Variants in TM4SF4 observed in about 807,000 individuals in gnomAD.
The protein encoded by TM4SF4 is transmembrane 4 L six family member 4, also known as transmembrane 4 L6 family member 4.
In TM4SF4, 24 loss-of-function variants were observed where a neutral mutation model predicts 24.1. That is an observed-to-expected ratio of 1.00 (90% CI 0.72 to 1.40). TM4SF4 has a LOEUF of 1.40. Ranked by LOEUF, TM4SF4 falls within the 40% of genes most tolerant of loss-of-function variation. The pLI, the probability that TM4SF4 is intolerant of heterozygous loss-of-function variation, is 0.00. For missense variants in TM4SF4, 254 were observed against 254.2 expected, an observed-to-expected ratio of 1.00 and a Z score of 0.01; for synonymous variants, 113 against 97.0, an observed-to-expected ratio of 1.17 and a Z score of -0.97.
chr3:149,497,110 A>T (rs4234371), intron 3 of TM4SF4, among the ~76,000 whole-genome samples: 150,987 of 152,356 alleles, frequency 0.99, 74,820 homozygotes, highest in East Asian at 1. Flanking sequence ...AAACCCGGGT[A>T]CATCTGAATC....
At chr3:149,478,134 G>A (rs919581663) in intron 2 of TM4SF4, among the ~76,000 whole-genome samples, 8 of 152,172 alleles carry the variant, frequency 5.3e-5, no homozygotes, top group East Asian at 1.9e-4. Context: ...GGCAAAAAAA[G>A]TTTGTCTTTT....
intron 3 of TM4SF4, among the ~76,000 whole-genome samples, chr3:149,493,262 T>G (rs987114690): frequency 6.6e-6 from 1 of 152,230 alleles, no homozygotes; most frequent in Non-Finnish European, 1.5e-5. Context: ...AAAAAAAACC[T>G]CTTTATTGTG....
intron 4 of TM4SF4, among the ~76,000 whole-genome samples, chr3:149,500,126 T>A (rs559224589): frequency 6.6e-6 from 1 of 152,186 alleles, no homozygotes; most frequent in Middle Eastern, 3.4e-3. Flanking sequence ...CTTAAAAGAA[T>A]GTTTCCCCCA....
intron 3 of TM4SF4, among the ~76,000 whole-genome samples, chr3:149,492,564 T>C (rs970526196): frequency 6.6e-6 from 1 of 151,804 alleles, no homozygotes; most frequent in African/African-American, 2.4e-5. Flanking sequence ...GGGACAGCCA[T>C]AGGAGGGGAA....
chr3:149,493,784 C>T (rs888899830), intron 3 of TM4SF4, among the ~76,000 whole-genome samples: 1 of 152,090 alleles, frequency 6.6e-6, no homozygotes, highest in Admixed American at 6.5e-5. Flanking sequence ...ACAACAGGGG[C>T]GGAAACACAG....
intron 2 of TM4SF4, among the ~76,000 whole-genome samples, chr3:149,482,246 C>G (rs1183374659): frequency 2.0e-5 from 3 of 152,206 alleles, no homozygotes; most frequent in African/African-American, 7.2e-5. Flanking sequence ...GAGGGAGGAA[C>G]CAGAACTCAG....
At chr3:149,496,287 G>T (rs1429732414) in intron 3 of TM4SF4, among the ~76,000 whole-genome samples, 4 of 151,916 alleles carry the variant, frequency 2.6e-5, no homozygotes, top group Non-Finnish European at 5.9e-5. Flanking sequence ...TCAGCTTACT[G>T]CACACTTTGC....
chr3:149,483,015 C>T (rs1213709366), intron 2 of TM4SF4, among the ~76,000 whole-genome samples: 1 of 152,134 alleles, frequency 6.6e-6, no homozygotes, highest in Non-Finnish European at 1.5e-5. Context: ...TATCTTTCTT[C>T]CTGTGATTTA....
At chr3:149,500,670 T>G (rs1368368633) in intron 4 of TM4SF4, among the ~76,000 whole-genome samples, 1 of 152,202 alleles carries the variant, frequency 6.6e-6, no homozygotes, top group Non-Finnish European at 1.5e-5. Flanking sequence ...TTTCTACATA[T>G]TTTAGCTGGG....
chr3:149,482,032 G>GA (rs1435330233), intron 2 of TM4SF4, among the ~76,000 whole-genome samples: 1 of 152,180 alleles, frequency 6.6e-6, no homozygotes, highest in Admixed American at 6.5e-5. Context: ...TTGGGAACAG[G>GA]AAAAATAATT....
At chr3:149,500,190 A>G (rs972574388) in intron 4 of TM4SF4, among the ~76,000 whole-genome samples, 2 of 152,140 alleles carry the variant, frequency 1.3e-5, no homozygotes, top group Non-Finnish European at 2.9e-5. Flanking sequence ...GCAGGATACA[A>G]AAATTGTACT....
chr3:149,480,910 C>CA (rs918897369), intron 2 of TM4SF4, among the ~76,000 whole-genome samples: 38 of 151,994 alleles, frequency 2.5e-4, no homozygotes, highest in African/African-American at 8.5e-4. Context: ...GGCTGGTGTG[C>CA]AAGAGGTTGG....
chr3:149,499,735 C>T (rs1010919993), intron 4 of TM4SF4, among the ~76,000 whole-genome samples: 1 of 152,054 alleles, frequency 6.6e-6, no homozygotes, highest in Non-Finnish European at 1.5e-5. Flanking sequence ...GAAGGTCAAG[C>T]ATAGTGGCAC....
chr3:149,487,498 G>A, intron 2 of TM4SF4, 121 bp from the exon 3 acceptor site: 1 of 1,239,342 alleles, frequency 8.1e-7, no homozygotes, highest in Non-Finnish European at 1.1e-6. Context: ...CTACTATAAA[G>A]ACTAGCTCCT....
At chr3:149,484,543 C>A (rs1048857531) in intron 2 of TM4SF4, among the ~76,000 whole-genome samples, 2 of 150,620 alleles carry the variant, frequency 1.3e-5, no homozygotes, top group Non-Finnish European at 1.5e-5. Flanking sequence ...GCCACCACAC[C>A]CCGCTAATTT....
intron 2 of TM4SF4, among the ~76,000 whole-genome samples, chr3:149,476,506 G>T (rs1733930396): frequency 6.6e-6 from 1 of 152,144 alleles, no homozygotes; most frequent in Non-Finnish European, 1.5e-5. Flanking sequence ...CAAAGTTCCA[G>T]AGTGCAGTGG....
intron 3 of TM4SF4, among the ~76,000 whole-genome samples, chr3:149,493,308 T>G (rs1025488016): frequency 4.6e-5 from 7 of 152,190 alleles, no homozygotes; most frequent in African/African-American, 1.7e-4. Flanking sequence ...CTATTATAGA[T>G]GTATAAATCA....
chr3:149,479,963 A>G (rs1734005544), intron 2 of TM4SF4, among the ~76,000 whole-genome samples: 1 of 152,206 alleles, frequency 6.6e-6, no homozygotes, highest in South Asian at 2.1e-4. Context: ...AAGCAAGACA[A>G]TAAGCTGGAA....
Position 149,474,808 on chromosome 3 carries a change from C to A in TM4SF4, c.-70C>A. 1.3e-6 allele frequency: 2 copies of A among 1,504,048 alleles called. No homozygotes were observed. The allele number at this position is 1,504,048 out of a possible 1,614,324, so 93.2% of individuals were successfully genotyped here. A position where few individuals can be genotyped will look rare whatever the true frequency, so the allele number is the denominator to read the frequency against. Reference sequence around the variant, plus strand: ...TTACAAGGACTCTCTGGCCAAAAACCCTTGAAGAGGCCCCGTGAAGGAGGC... The same window carrying A: ...TTACAAGGACTCTCTGGCCAAAAACACTTGAAGAGGCCCCGTGAAGGAGGC... On this transcript the variant is annotated 5_prime_UTR_variant, in exon 1 of 5. Transcript: ENST00000305354.
Sources: allele counts gnomAD v4.1 joint callset (sites outside exome capture counted in the v4.1 genomes callset), GRCh38; gene constraint gnomAD v4.1.1; transcripts MANE v1.5; gene names NCBI Gene and HGNC (gene_info 2026-07-23, HGNC 2026-07-21).